Variants in SYNE1 observed in about 807,000 individuals in gnomAD.
SYNE1 encodes the protein spectrin repeat containing nuclear envelope protein 1.
SYNE1 carries 616 observed loss-of-function variants against 1,111.0 expected under a neutral mutation model. The ratio of observed to expected loss-of-function variants is 0.55; its 90% CI spans 0.52 to 0.59. The LOEUF (loss-of-function observed/expected upper bound fraction) is 0.59, where lower values mean the gene tolerates loss of function less well. Among genes scored for constraint, SYNE1 ranks in the 20% least tolerant of loss-of-function variants. The pLI is 0.00. For missense variants in SYNE1, 10,006 were observed against 10,417.0 expected, an observed-to-expected ratio of 0.96 and a Z score of 1.72; for synonymous variants, 3,855 against 3,825.8, an observed-to-expected ratio of 1.01 and a Z score of -0.28.
At chr6:152,602,962 C>A (rs1325287461) in intron 3 of SYNE1, among the ~76,000 whole-genome samples, 2 of 152,026 alleles carry the variant, frequency 1.3e-5, no homozygotes, top group Non-Finnish European at 2.9e-5. Context: ...GACAAACAAG[C>A]CATACCCATA....
chr6:152,182,369 C>G (rs1197802756), intron 128 of SYNE1, among the ~76,000 whole-genome samples: 1 of 152,188 alleles, frequency 6.6e-6, no homozygotes, highest in Non-Finnish European at 1.5e-5. Context: ...AGCTATTCCA[C>G]TATTCATTCC....
At chr6:152,139,759 A>AAGAAAGAAGGAAAG (rs2058146151) in intron 140 of SYNE1, among the ~76,000 whole-genome samples, 191 bp downstream of exon 140, 2 of 151,274 alleles carry the variant, frequency 1.3e-5, no homozygotes, top group Non-Finnish European at 1.5e-5. Context: ...GAAAAGAAAA[A>AAGAAAGAAGGAAAG]AAAGAAAACC....
At chr6:152,147,656 C>T (rs1012620091) in intron 137 of SYNE1, 11 of 262,022 alleles carry the variant, frequency 4.2e-5, no homozygotes, top group Admixed American at 3.1e-4. Flanking sequence ...GTTTCTTTCC[C>T]GAAGTCTCTC....
chr6:152,134,928 CAT>C (rs1394605279), intron 142 of SYNE1, 174 bp downstream of exon 142: 36 of 717,266 alleles, frequency 5.0e-5, no homozygotes, highest in African/African-American at 4.5e-4. Context: ...CTTCTATGCA[CAT>C]GTTTGCTTTA....
In SYNE1 at chr6:152,225,857, T is replaced by G. The variant is rs1388664972; in HGVS notation, c.21215A>C (p.Lys7072Thr). The change falls in exon 116 of 146, where the codon AAA becomes ACA. Residue 7072 changes from lysine (K) to threonine (T), a missense_variant. By Grantham distance (78) the Lys-to-Thr change is moderately conservative. Around this residue, in one of 7 missense-constraint regions of SYNE1, gnomAD observed 2,182 missense variants for 2,287.8 expected, o/e 0.95. Transcript: ENST00000367255. Reference sequence around the variant, plus strand: ...TTTCTCTACTTCTTTTTCTTTTGCTTTAATCAAATCTTCCAGATCCTGAAA... The same window carrying G: ...TTTCTCTACTTCTTTTTCTTTTGCTGTAATCAAATCTTCCAGATCCTGAAA... ...KDCQDLEDLI[K>T]AKEKEVEKIE... 6.2e-7 allele frequency: 1 copy of G among 1,613,620 alleles called. No individual in the cohort carries two copies. Among genetic ancestry groups the G allele is most frequent in the Non-Finnish European group, 8.5e-7 (1 of 1,179,950 alleles).
chr6:152,392,544 G>A (rs924689331), intron 51 of SYNE1, among the ~76,000 whole-genome samples: 9 of 152,122 alleles, frequency 5.9e-5, no homozygotes, highest in African/African-American at 1.4e-4. Context: ...CAAATCTCTC[G>A]TGGAAACTGA....
rs117392182 is a variant in SYNE1, at chr6:152,141,139, T to A, written c.25246+64A>T. 1.6e-3 allele frequency: 2,570 copies of A among 1,611,908 alleles called. 1 individual carries two copies. The highest frequency in any genetic ancestry group is 2.1e-3 in the Non-Finnish European group (2,450 of 1,179,106). The stretch of plus-strand genomic sequence containing the variant: ...CCAAGCCCCCTAAGTGGAATTTCGC[T>A]GTTAACAAAGTGCTTCAGGATCTTC... On this transcript the variant is annotated intron_variant, in intron 139 of 145. Transcript: ENST00000367255.
chr6:152,317,590 A>T (rs3816850), intron 86 of SYNE1, among the ~76,000 whole-genome samples: 15,420 of 152,070 alleles, frequency 0.1, 844 homozygotes, highest in Non-Finnish European at 0.12. Context: ...AAAGTTTCAA[A>T]CTATAATTAA....
chr6:152,483,354 A>C, intron 13 of SYNE1, 105 bp from the exon 14 acceptor site: 1 of 964,882 alleles, frequency 1.0e-6, no homozygotes, highest in Non-Finnish European at 1.6e-6. Flanking sequence ...TAAGTTAATG[A>C]TTTCAGGCTA....
intron 91 of SYNE1, 105 bp from the exon 92 acceptor site, chr6:152,302,168 G>A: frequency 6.7e-7 from 1 of 1,503,644 alleles, no homozygotes; most frequent in African/African-American, 1.4e-5. Context: ...GCGCAGAGCC[G>A]CGCGGGCCCG....
intron 100 of SYNE1, among the ~76,000 whole-genome samples, chr6:152,263,737 C>T (rs1414375668): frequency 6.6e-6 from 1 of 151,822 alleles, no homozygotes; most frequent in Non-Finnish European, 1.5e-5. Flanking sequence ...GGATTATGAC[C>T]CTCCCTCTAG....
At chr6:152,559,783 G>A (rs1365993939) in intron 3 of SYNE1, among the ~76,000 whole-genome samples, 1 of 151,872 alleles carries the variant, frequency 6.6e-6, no homozygotes, top group Admixed American at 6.6e-5. Flanking sequence ...CAAAGATCAG[G>A]GCAGAAATAA....
At chr6:152,630,625 T>G (rs2099696422) in intron 2 of SYNE1, among the ~76,000 whole-genome samples, 2 of 152,208 alleles carry the variant, frequency 1.3e-5, no homozygotes, top group Non-Finnish European at 2.9e-5. Context: ...AAAATATAAC[T>G]TTCTGAAATC....
chr6:152,124,316 GAT>G (rs10583925), intron 145 of SYNE1, among the ~76,000 whole-genome samples: 35,131 of 152,006 alleles, frequency 0.23, 4,196 homozygotes, highest in African/African-American at 0.3. Context: ...CTCAAAAACA[GAT>G]ATTGGTTCTG....
At chr6:152,455,353 C>A in intron 24 of SYNE1, 73 bp downstream of exon 24, 1 of 1,519,926 alleles carries the variant, frequency 6.6e-7, no homozygotes. Context: ...GATCAGCATG[C>A]CTTTTTTAAG....
rs2098746470 is a variant in SYNE1, at chr6:152,463,529, A to G, written c.1933-12T>C. ...TTTCGAAAAAAATCCTAAACAATAA[A>G]TAATGCACAATATCATAAACCATAA... is the stretch of plus-strand genomic sequence containing the variant. On this transcript the variant is annotated splice_polypyrimidine_tract_variant and intron_variant, in intron 18 of 145. Transcript: ENST00000367255. 6.3e-7 allele frequency: 1 copy of G among 1,599,420 alleles called. No individual in the cohort carries two copies. The highest frequency in any genetic ancestry group is 1.1e-5 in the South Asian group (1 of 90,394).
chr6:152,552,671 G>A (rs1375266477), intron 3 of SYNE1, among the ~76,000 whole-genome samples: 4 of 152,122 alleles, frequency 2.6e-5, no homozygotes, highest in African/African-American at 4.8e-5. Flanking sequence ...AAATCACAGA[G>A]TTTAAAGAGC....
chr6:152,426,365 A>G (rs1301739557), intron 38 of SYNE1, among the ~76,000 whole-genome samples: 1 of 152,256 alleles, frequency 6.6e-6, no homozygotes, highest in Admixed American at 6.5e-5. Context: ...GTGAGATCAT[A>G]AAGCAGAACT....
chr6:152,608,150 TA>T (rs1357322523), intron 3 of SYNE1, among the ~76,000 whole-genome samples: 1 of 74,460 alleles, frequency 1.3e-5, no homozygotes, highest in Non-Finnish European at 3.1e-5. Context: ...TACTGGAACT[TA>T]AAATAAATAA....
Sources: allele counts gnomAD v4.1 joint callset (sites outside exome capture counted in the v4.1 genomes callset), GRCh38; gene constraint gnomAD v4.1.1; regional missense constraint gnomAD v4.1.1; transcripts MANE v1.5; gene names NCBI Gene and HGNC (gene_info 2026-07-23, HGNC 2026-07-21).